Variants in TIAM1 observed in about 807,000 individuals in gnomAD.
The protein encoded by TIAM1 is TIAM Rac1 associated GEF 1, also known as rho guanine nucleotide exchange factor TIAM1.
A neutral mutation model predicts 163.5 loss-of-function variants in TIAM1; 65 were observed. That is an observed-to-expected ratio of 0.40 (90% CI 0.33 to 0.49). The LOEUF (loss-of-function observed/expected upper bound fraction) is 0.49, where lower values mean the gene tolerates loss of function less well. Ranked by LOEUF, TIAM1 falls within the 20% of genes least tolerant of loss-of-function variation. The pLI, the probability that TIAM1 is intolerant of heterozygous loss-of-function variation, is 0.77. For synonymous variants in TIAM1, 833 were observed against 810.1 expected (o/e 1.03, Z -0.48); for missense variants, 1,789 against 2,044.7 (o/e 0.87, Z 2.41).
At chr21:31,252,706 T>C (rs979838658) in intron 4 of TIAM1, among the ~76,000 whole-genome samples, 2 of 152,210 alleles carry the variant, frequency 1.3e-5, no homozygotes, top group Non-Finnish European at 2.9e-5. Context: ...TCTTTTATAA[T>C]GGAGTGACTG....
intron 2 of TIAM1, among the ~76,000 whole-genome samples, chr21:31,279,987 A>C (rs1316935069): frequency 6.6e-6 from 1 of 152,002 alleles, no homozygotes; most frequent in Non-Finnish European, 1.5e-5. Flanking sequence ...AATCGGCTAC[A>C]GCTCACACAG....
intron 15 of TIAM1, among the ~76,000 whole-genome samples, chr21:31,182,088 C>A (rs1006011232): frequency 2.0e-5 from 3 of 151,862 alleles, no homozygotes; most frequent in Non-Finnish European, 4.4e-5. Flanking sequence ...TGGCCCAATT[C>A]CCAACACTTC....
intron 1 of TIAM1, among the ~76,000 whole-genome samples, chr21:31,464,797 C>T (rs1016213883): frequency 1.4e-5 from 2 of 142,958 alleles, no homozygotes; most frequent in South Asian, 4.4e-4. Context: ...GAGCCAAGAT[C>T]GAGTCACTGC....
chr21:31,249,812 T>C (rs192087751), intron 5 of TIAM1, among the ~76,000 whole-genome samples: 14 of 152,208 alleles, frequency 9.2e-5, no homozygotes, highest in Admixed American at 2.6e-4. Context: ...TTCCACACGA[T>C]GCACATCTAT....
chr21:31,120,551 G>A lies in TIAM1; in HGVS notation c.4593C>T (p.Thr1531=), dbSNP rs374584734. The part of the protein sequence containing the change: ...DRDLQERLQA[T]SISQRERGRK... ...GGCCTCTTTCCCGCTGACTGATGGA[G>A]GTGGCCTGAAGCCGCTCCTGCAGGT... The change falls in exon 28 of 28, where the codon ACC becomes ACT. Residue 1531 remains threonine (T), a synonymous_variant. Coordinates refer to ENST00000541036, the MANE Select transcript of TIAM1 (RefSeq NM_001353694.2). The surrounding 1 kb of genome is among the most constrained non-coding windows in gnomAD (Gnocchi z 4.2). The A allele has an allele frequency of 5.0e-6, 8 of 1,614,088 alleles. No homozygotes were observed. Among genetic ancestry groups the A allele is most frequent in the Non-Finnish European group, 6.8e-6 (8 of 1,180,058 alleles).
At chr21:31,222,546 A>G (rs1044553369) in intron 8 of TIAM1, among the ~76,000 whole-genome samples, 3 of 151,672 alleles carry the variant, frequency 2.0e-5, no homozygotes, top group Non-Finnish European at 2.9e-5. Flanking sequence ...GCTCTAATGC[A>G]TCGGGTATTC....
rs1212665650 is a variant in TIAM1, at chr21:31,225,870, G to C, written c.1665C>G (p.His555Gln). 6.2e-7 allele frequency: 1 copy of C among 1,614,158 alleles called. No individual in the cohort carries two copies. The highest frequency in any genetic ancestry group is 1.1e-5 in the South Asian group (1 of 91,086). ...ACATAVARHHHKEDTLRLLKS... is the reference protein window; with the variant it reads ...ACATAVARHHQKEDTLRLLKS... The stretch of plus-strand genomic sequence containing the variant: ...TCAGGAGTCGGAGCGTGTCTTCCTT[G>C]TGGTGGTGCCTCGCGACCGCAGTGG... Residue 555 changes from histidine to glutamine, a missense_variant, in exon 7 of 28, where the codon CAC becomes CAG. Physicochemically the swap from His to Gln is conservative, Grantham distance 24. This residue lies in a region of TIAM1 where 456 missense variants were observed against 586.6 expected (regional missense o/e 0.78). Coordinates refer to ENST00000541036, the MANE Select transcript of TIAM1 (RefSeq NM_001353694.2).
At chr21:31,396,607 AATT>A (rs1290817472) in intron 2 of TIAM1, among the ~76,000 whole-genome samples, 3 of 148,600 alleles carry the variant, frequency 2.0e-5, no homozygotes, top group African/African-American at 7.3e-5. Context: ...ATATAATATC[AATT>A]ATATTATCAA....
At chr21:31,167,885 T>C (rs1400793122) in intron 15 of TIAM1, among the ~76,000 whole-genome samples, 2 of 152,032 alleles carry the variant, frequency 1.3e-5, no homozygotes, top group African/African-American at 2.4e-5. Context: ...AGGGCTTGGG[T>C]CAGTACAACT....
chr21:31,334,031 C>A (rs1357666373), intron 2 of TIAM1, among the ~76,000 whole-genome samples: 2 of 152,212 alleles, frequency 1.3e-5, no homozygotes, highest in Non-Finnish European at 2.9e-5. Context: ...GCAACAGTTA[C>A]TACGTAGAGG....
chr21:31,472,988 AT>A (rs1474089566), intron 1 of TIAM1, among the ~76,000 whole-genome samples: 1 of 152,144 alleles, frequency 6.6e-6, no homozygotes, highest in Admixed American at 6.5e-5. Context: ...CCCTCACTCA[AT>A]CCAGGCATCA....
intron 2 of TIAM1, among the ~76,000 whole-genome samples, chr21:31,410,124 T>C (rs2077321574): frequency 6.6e-6 from 1 of 151,568 alleles, no homozygotes; most frequent in Non-Finnish European, 1.5e-5. Context: ...TGTGACAGTG[T>C]GGAGAGTGTG....
chr21:31,405,367 C>CT (rs2077229277), intron 2 of TIAM1, among the ~76,000 whole-genome samples: 1 of 152,186 alleles, frequency 6.6e-6, no homozygotes, highest in Non-Finnish European at 1.5e-5. Flanking sequence ...AGTTCACTCT[C>CT]TTCAAGAGTC....
intron 1 of TIAM1, among the ~76,000 whole-genome samples, chr21:31,517,331 C>G (rs2047418819): frequency 6.6e-6 from 1 of 152,090 alleles, no homozygotes; most frequent in South Asian, 2.1e-4. Flanking sequence ...GCCAGGAGTT[C>G]AAGACAGCCT....
chr21:31,551,820 TATAACA>T (rs2048698162), intron 1 of TIAM1, among the ~76,000 whole-genome samples: 1 of 152,158 alleles, frequency 6.6e-6, no homozygotes, highest in African/African-American at 2.4e-5. Flanking sequence ...TGCCACTCAT[TATAACA>T]GGAAGCTGAG....
chr21:31,138,254 A>T (rs971105557), intron 22 of TIAM1, among the ~76,000 whole-genome samples: 5 of 152,144 alleles, frequency 3.3e-5, no homozygotes. Context: ...AGAGTTTAAC[A>T]TGGGGGTAGG....
chr21:31,536,996 ACT>A (rs2048157312), intron 1 of TIAM1, among the ~76,000 whole-genome samples: 1 of 152,050 alleles, frequency 6.6e-6, no homozygotes, highest in South Asian at 2.1e-4. Context: ...CCCTCAAGAG[ACT>A]CTGGGGAAGG....
chr21:31,383,591 T>A (rs9982041), intron 2 of TIAM1, among the ~76,000 whole-genome samples: 7,586 of 152,224 alleles, frequency 0.05, 444 homozygotes, highest in African/African-American at 0.14. Context: ...TGTACACCTA[T>A]CTCTTTCAGG....
intron 16 of TIAM1, among the ~76,000 whole-genome samples, chr21:31,161,848 C>T (rs2083939081): frequency 6.6e-6 from 1 of 152,192 alleles, no homozygotes; most frequent in African/African-American, 2.4e-5. Flanking sequence ...TCAAGAAAAG[C>T]TTCACACTTA....
Sources: gnomAD v4.1 joint callset for allele counts (sites outside exome capture counted in the v4.1 genomes callset) on GRCh38, gnomAD v4.1.1 for gene constraint, gnomAD v4.1.1 regional missense constraint, Gnocchi (gnomAD v3.1) non-coding constraint, MANE v1.5 for transcripts, NCBI Gene and HGNC (gene_info 2026-07-23, HGNC 2026-07-21) for gene names.